Variants in CDH13 observed in about 807,000 individuals in gnomAD.
CDH13 encodes the protein cadherin-13.
In CDH13, 24 loss-of-function variants were observed where a neutral mutation model predicts 63.8. That is an observed-to-expected ratio of 0.38 (90% CI 0.27 to 0.53). The LOEUF (loss-of-function observed/expected upper bound fraction) is 0.53. Ranked by LOEUF, CDH13 falls within the 20% of genes least tolerant of loss-of-function variation. The pLI, the probability that CDH13 is intolerant of heterozygous loss-of-function variation, is 0.85. For missense variants in CDH13, 1,049 were observed against 903.1 expected (o/e 1.16, Z -2.07); for synonymous variants, 503 against 355.3 (o/e 1.42, Z -4.67).
At position 82,639,461 on chromosome 16, in the gene CDH13, T is replaced by C. The variant is rs542924912; in HGVS notation, c.45+12324T>C. 1.2e-5 allele frequency: 19 copies of C among 1,532,414 alleles called. No homozygotes were observed. The East Asian group carries it at 4.6e-4, about 37-fold the overall frequency. The allele number at this position is 1,532,414 out of a possible 1,614,324, so 94.9% of individuals were successfully genotyped here. A position where few individuals can be genotyped will look rare whatever the true frequency, so the allele number is the denominator to read the frequency against. On this transcript the variant is annotated intron_variant, in intron 1 of 13. Coordinates refer to ENST00000567109, the MANE Select transcript of CDH13 (RefSeq NM_001257.5). The stretch of plus-strand genomic sequence containing the variant: ...CGTGACCCACCTGCAGCTTCAACCA[T>C]GCAGGTAAATTTGCCTGCTGCTGTG...
chr16:83,255,726 G>C (rs935903790), intron 5 of CDH13, among the ~76,000 whole-genome samples: 6 of 152,172 alleles, frequency 3.9e-5, no homozygotes, highest in African/African-American at 1.4e-4. Context: ...TGGTAATAAA[G>C]TGGCACTATG....
Position 83,646,712 on chromosome 16 carries a change from A to AAAAAAAAAAACAC in CDH13, c.1102-24077_1102-24076insAAAAAAAAACACA, listed in dbSNP as rs1168012793. On this transcript the variant is annotated intron_variant, in intron 8 of 13. Transcript: ENST00000567109. The stretch of plus-strand genomic sequence containing the variant: ...CGTCTCAAAAAAAAAAAAAAAAAAA[A>AAAAAAAAAAACAC]ACACACACACACACACACACACACA... Among the ~76,000 whole-genome samples, 50 of 80,510 alleles carry AAAAAAAAAAACAC rather than the reference A, an allele frequency of 6.2e-4. 4 individuals carry two copies. Among genetic ancestry groups the AAAAAAAAAAACAC allele is most frequent in the East Asian group, 1.4e-3 (3 of 2,190 alleles). 52.8% of individuals were successfully genotyped at this position (80,510 alleles called of 152,430 possible).
At chr16:83,428,201 A>C (rs1027604162) in intron 6 of CDH13, among the ~76,000 whole-genome samples, 6 of 152,156 alleles carry the variant, frequency 3.9e-5, no homozygotes, top group African/African-American at 1.4e-4. Flanking sequence ...TTTATTATTG[A>C]ACTTCATGTG....
At chr16:83,369,406 AG>A in intron 6 of CDH13, among the ~76,000 whole-genome samples, 1 of 152,094 alleles carries the variant, frequency 6.6e-6, no homozygotes, top group South Asian at 2.1e-4. Flanking sequence ...GAGTGACCAG[AG>A]AGACCCTTCT....
At chr16:82,901,391 C>G (rs769008075) in intron 2 of CDH13, among the ~76,000 whole-genome samples, 6 of 144,398 alleles carry the variant, frequency 4.2e-5, no homozygotes, top group Non-Finnish European at 7.5e-5. Context: ...TTCTTGGATA[C>G]TTAGGGTGCA....
At chr16:83,035,522 G>A (rs1916768704) in intron 3 of CDH13, among the ~76,000 whole-genome samples, 1 of 152,158 alleles carries the variant, frequency 6.6e-6, no homozygotes, top group Non-Finnish European at 1.5e-5. Context: ...TACTGATGGA[G>A]GAACTGAGGC....
At chr16:82,820,475 C>T (rs957742689) in intron 1 of CDH13, among the ~76,000 whole-genome samples, 1 of 152,144 alleles carries the variant, frequency 6.6e-6, no homozygotes, top group Non-Finnish European at 1.5e-5. Context: ...AGTAACCTCC[C>T]CACAGTTTTA....
chr16:83,556,066 T>C (rs187761325), intron 7 of CDH13, among the ~76,000 whole-genome samples: 2 of 152,316 alleles, frequency 1.3e-5, no homozygotes, highest in Admixed American at 1.3e-4. Flanking sequence ...TTAAATGACT[T>C]TACAAAAAGA....
Position 83,356,001 on chromosome 16 carries a change from C to T in CDH13, c.781+10995C>T, listed in dbSNP as rs115490507. Among the ~76,000 whole-genome samples the T allele has an allele frequency of 4.4e-3, 663 of 152,254 alleles. 4 individuals are homozygous for T. Among genetic ancestry groups the T allele is most frequent in the African/African-American group, 0.015 (633 of 41,556 alleles). On this transcript the variant is annotated intron_variant, in intron 6 of 13. Coordinates refer to ENST00000567109, the MANE Select transcript of CDH13 (RefSeq NM_001257.5). ...ACTCAGGGAGGTTAGGTGACTCCGC[C>T]GTGGTCACACAGCTGGTGGGTGATG...
intron 8 of CDH13, among the ~76,000 whole-genome samples, chr16:83,646,057 A>G (rs746072905): frequency 6.6e-6 from 1 of 152,114 alleles, no homozygotes; most frequent in South Asian, 2.1e-4. Flanking sequence ...TATGGGTTGG[A>G]GCAGTGTCTG....
intron 1 of CDH13, among the ~76,000 whole-genome samples, chr16:82,684,899 T>G (rs1914906261): frequency 6.6e-6 from 1 of 151,392 alleles, no homozygotes; most frequent in East Asian, 1.9e-4. Flanking sequence ...TTGGGTATTC[T>G]TTGAGGAAAT....
chr16:83,515,814 G>A (rs1598201416), intron 7 of CDH13, among the ~76,000 whole-genome samples: 1 of 152,046 alleles, frequency 6.6e-6, no homozygotes, highest in East Asian at 1.9e-4. Context: ...AAATTAATAA[G>A]TTGTTTTTTG....
At chr16:83,323,174 T>TTTTCTTTCTTTC (rs1555530161) in intron 5 of CDH13, among the ~76,000 whole-genome samples, 2 of 82,296 alleles carry the variant, frequency 2.4e-5, no homozygotes, top group African/African-American at 9.5e-5. Context: ...TCTCTTTCTT[T>TTTTCTTTCTTTC]TTTCTTTCTT....
intron 1 of CDH13, among the ~76,000 whole-genome samples, chr16:82,688,524 A>C (rs1402000670): frequency 6.6e-6 from 1 of 152,188 alleles, no homozygotes; most frequent in East Asian, 1.9e-4. Context: ...ATTTTCCATC[A>C]ATGGAGACTC....
rs76242779 is a variant in CDH13 at position 82,830,269 on chromosome 16, T to C, written c.46-28093T>C. Among the ~76,000 whole-genome samples the C allele has an allele frequency of 9.7e-3, 1,485 of 152,338 alleles. 25 individuals carry two copies. The highest frequency in any genetic ancestry group is 0.034 in the African/African-American group (1,408 of 41,586). On this transcript the variant is annotated intron_variant, in intron 1 of 13. Coordinates refer to ENST00000567109, the MANE Select transcript of CDH13 (RefSeq NM_001257.5). ...TTATCAATAACTCCATTCATTTATCTATTCAAAAATATGTGTTTGAATGCA... is the reference window on the plus strand; with the variant it reads ...TTATCAATAACTCCATTCATTTATCCATTCAAAAATATGTGTTTGAATGCA...
chr16:82,903,514 GCCAC>G (rs1411518474), intron 2 of CDH13, among the ~76,000 whole-genome samples: 1 of 152,064 alleles, frequency 6.6e-6, no homozygotes, highest in Non-Finnish European at 1.5e-5. Flanking sequence ...GCCCTTCCTG[GCCAC>G]CCACCCTGCC....
At chr16:82,773,461 G>C (rs1256894365) in intron 1 of CDH13, 1 of 152,216 alleles carries the variant, frequency 6.6e-6, no homozygotes. Context: ...GGAAATAATA[G>C]GTGGACTTGT....
At chr16:82,717,434 TAA>T (rs5818399) in intron 1 of CDH13, among the ~76,000 whole-genome samples, 41,350 of 122,804 alleles carry the variant, frequency 0.34, 7,536 homozygotes, top group East Asian at 0.65. Flanking sequence ...AGACTTTGCC[TAA>T]AAAAAAAAAA....
intron 11 of CDH13, among the ~76,000 whole-genome samples, chr16:83,763,761 C>A (rs1051937416): frequency 1.3e-5 from 2 of 152,128 alleles, no homozygotes; most frequent in Non-Finnish European, 2.9e-5. Flanking sequence ...TTCAAGCACT[C>A]GCAAAATATC....
Sources: gnomAD v4.1 joint callset for allele counts (sites outside exome capture counted in the v4.1 genomes callset) on GRCh38, gnomAD v4.1.1 for gene constraint, MANE v1.5 for transcripts, NCBI Gene and HGNC (gene_info 2026-07-23, HGNC 2026-07-21) for gene names.